ATP8A2: variants seen among roughly 807,000 people sequenced by gnomAD.
ATP8A2 encodes ATPase phospholipid transporting 8A2.
A neutral mutation model predicts 165.6 loss-of-function variants in ATP8A2; 100 were observed. That is an observed-to-expected ratio of 0.60 (90% CI 0.51 to 0.71). The LOEUF is 0.71. ATP8A2 is among the 30% of genes least tolerant of loss of function. The pLI, the probability that ATP8A2 is intolerant of heterozygous loss-of-function variation, is 0.00. For synonymous variants in ATP8A2, 543 were observed against 548.8 expected, an observed-to-expected ratio of 0.99 and a Z score of 0.15; for missense variants, 1,227 against 1,479.5, an observed-to-expected ratio of 0.83 and a Z score of 2.80.
chr13:25,974,343 A>G (rs1048730238), intron 35 of ATP8A2, among the ~76,000 whole-genome samples: 1 of 152,052 alleles, frequency 6.6e-6, no homozygotes, highest in Non-Finnish European at 1.5e-5. Context: ...GAAGATGTGA[A>G]TGCAGCAGGC....
intron 33 of ATP8A2, among the ~76,000 whole-genome samples, chr13:25,866,203 G>A (rs1191186658): frequency 6.6e-6 from 1 of 152,178 alleles, no homozygotes; most frequent in African/African-American, 2.4e-5. Flanking sequence ...CTGTTCAAAA[G>A]TCCGGAGACC....
intron 1 of ATP8A2, among the ~76,000 whole-genome samples, chr13:25,464,186 A>G (rs1037577856): frequency 1.3e-5 from 2 of 152,164 alleles, no homozygotes; most frequent in Non-Finnish European, 2.9e-5. Flanking sequence ...GTGCTAGATT[A>G]TCTAAAATCC....
At chr13:25,570,997 C>G in intron 17 of ATP8A2, 125 bp downstream of exon 17, 1 of 663,476 alleles carries the variant, frequency 1.5e-6, no homozygotes, top group Non-Finnish European at 2.5e-6. Flanking sequence ...TTGGCCTCAC[C>G]CTGTGGCCAG....
intron 35 of ATP8A2, among the ~76,000 whole-genome samples, chr13:26,003,402 T>C (rs565563262): frequency 6.6e-6 from 1 of 152,206 alleles, no homozygotes; most frequent in South Asian, 2.1e-4. Flanking sequence ...ATTGTTTGTG[T>C]TCCTTGTGTA....
intron 1 of ATP8A2, among the ~76,000 whole-genome samples, chr13:25,444,327 T>G (rs908957472): frequency 6.6e-6 from 1 of 152,244 alleles, no homozygotes; most frequent in Admixed American, 6.5e-5. Context: ...GCTTCCTTTT[T>G]TTTTCTGCTA....
intron 27 of ATP8A2, 127 bp from the exon 28 acceptor site, chr13:25,827,991 C>A: frequency 2.7e-6 from 2 of 734,234 alleles, no homozygotes; most frequent in Non-Finnish European, 4.9e-6. Context: ...CTGCTGCAGT[C>A]CCTGTGGCTC....
chr13:25,893,643 T>C (rs1301632566), intron 33 of ATP8A2, among the ~76,000 whole-genome samples: 1 of 152,218 alleles, frequency 6.6e-6, no homozygotes, highest in Non-Finnish European at 1.5e-5. Context: ...TCCACAATGG[T>C]TGAACTAGTT....
At chr13:25,987,674 G>A (rs552857452) in intron 35 of ATP8A2, among the ~76,000 whole-genome samples, 304 of 152,326 alleles carry the variant, frequency 2.0e-3, no homozygotes, top group Non-Finnish European at 3.4e-3. Context: ...CAGGGGTGGG[G>A]TCATGTTTCT....
intron 24 of ATP8A2, among the ~76,000 whole-genome samples, chr13:25,619,357 C>T (rs895939353): frequency 6.6e-6 from 1 of 152,154 alleles, no homozygotes; most frequent in East Asian, 1.9e-4. Flanking sequence ...TGCAGCTCCT[C>T]TTCATAGGAG....
At chr13:26,013,942 T>G (rs557213141) in intron 36 of ATP8A2, among the ~76,000 whole-genome samples, 1 of 152,296 alleles carries the variant, frequency 6.6e-6, no homozygotes, top group South Asian at 2.1e-4. Flanking sequence ...TCCACTGCCC[T>G]GGGAGGTGGG....
At chr13:25,859,701 A>T (rs1347643315) in intron 30 of ATP8A2, among the ~76,000 whole-genome samples, 2 of 152,208 alleles carry the variant, frequency 1.3e-5, no homozygotes, top group East Asian at 3.8e-4. Flanking sequence ...TGAGAACATG[A>T]GTAATAAATA....
chr13:25,657,667 T>G (rs2041962912), intron 24 of ATP8A2, among the ~76,000 whole-genome samples: 1 of 152,172 alleles, frequency 6.6e-6, no homozygotes, highest in Admixed American at 6.5e-5. Context: ...TTATGATCTA[T>G]GTAACACACA....
At chr13:25,573,768 G>T (rs915281069) in intron 18 of ATP8A2, among the ~76,000 whole-genome samples, 2 of 152,144 alleles carry the variant, frequency 1.3e-5, no homozygotes, top group African/African-American at 4.8e-5. Context: ...GTTAGGACAG[G>T]CTGTGGAGAA....
In ATP8A2 at chr13:25,862,458, G is replaced by T. The variant is rs758424900; in HGVS notation, c.3183+50G>T. 5.0e-6 allele frequency: 7 copies of T among 1,413,144 alleles called. No individual in the cohort carries two copies. In the African/African-American group the frequency reaches 8.5e-5, roughly 17 times the overall value. The allele number at this position is 1,413,144 out of a possible 1,614,324, so 87.5% of individuals were successfully genotyped here. Reference sequence around the variant, plus strand: ...GTCTTCTGTGTCTTGTGACAGCAATGTTTCTCCATGGGCGGGTGAGCAGGC... The same window carrying T: ...GTCTTCTGTGTCTTGTGACAGCAATTTTTCTCCATGGGCGGGTGAGCAGGC... On this transcript the variant is annotated intron_variant, in intron 33 of 36. Coordinates refer to ENST00000381655, the MANE Select transcript of ATP8A2 (RefSeq NM_016529.6).
chr13:25,406,109 A>C (rs931786523), intron 1 of ATP8A2, among the ~76,000 whole-genome samples: 5 of 152,224 alleles, frequency 3.3e-5, no homozygotes, highest in Non-Finnish European at 7.3e-5. Flanking sequence ...AGGTCTATGC[A>C]AACTTACCCC....
intron 26 of ATP8A2, among the ~76,000 whole-genome samples, chr13:25,771,731 G>C (rs1004262993): frequency 5.9e-5 from 9 of 152,112 alleles, no homozygotes; most frequent in African/African-American, 2.2e-4. Flanking sequence ...CCTGTCCATG[G>C]TCCTATTGCC....
Position 25,860,294 on chromosome 13 carries a change from G to A in ATP8A2, c.3018+38G>A, listed in dbSNP as rs756415866. The A allele has an allele frequency of 2.9e-6, 4 of 1,390,032 alleles. No individual in the cohort carries two copies. The South Asian group carries it at 4.8e-5, about 17-fold the overall frequency. The allele number at this position is 1,390,032 out of a possible 1,614,324, so 86.1% of individuals were successfully genotyped here. On this transcript the variant is annotated intron_variant, in intron 31 of 36. Coordinates refer to ENST00000381655, the MANE Select transcript of ATP8A2 (RefSeq NM_016529.6). The stretch of plus-strand genomic sequence containing the variant: ...CTGTTTATTAAGCCATTCTTAAACA[G>A]CTTATGTGTGGCTTGCACTTCTCTA...
At chr13:25,429,001 G>A (rs899452292) in intron 1 of ATP8A2, among the ~76,000 whole-genome samples, 1 of 152,086 alleles carries the variant, frequency 6.6e-6, no homozygotes, top group African/African-American at 2.4e-5. Context: ...TGGAAAGGGA[G>A]GCTGAAGATT....
rs115683943 is a variant in ATP8A2, at chr13:25,819,194, G to T, written c.2680-8924G>T. Among the ~76,000 whole-genome samples, 681 of 152,122 alleles carry T rather than the reference G, an allele frequency of 4.5e-3. 4 individuals carry two copies. The highest frequency in any genetic ancestry group is 0.015 in the African/African-American group (643 of 41,490). On this transcript the variant is annotated intron_variant, in intron 27 of 36. Transcript: ENST00000381655. ...ATTCTGTGCATTGCTCTGTAACTTT[G>T]TTGGTTTGCCTTGAAAAGTCCTTAG...
Sources: gnomAD v4.1 joint callset for allele counts (sites outside exome capture counted in the v4.1 genomes callset) on GRCh38, gnomAD v4.1.1 for gene constraint, MANE v1.5 for transcripts, NCBI Gene and HGNC (gene_info 2026-07-23, HGNC 2026-07-21) for gene names.